The following PRKG1 variants were observed in gnomAD, a reference collection of about 807,000 sequenced individuals.
PRKG1 encodes the protein protein kinase cGMP-dependent 1, also known as cGMP-dependent protein kinase 1.
A neutral mutation model predicts 88.1 loss-of-function variants in PRKG1; 35 were observed. The observed-to-expected ratio is 0.40, with a 90% CI of 0.30 to 0.53. The LOEUF is 0.53. Ranked by LOEUF, PRKG1 falls within the 20% of genes least tolerant of loss-of-function variation. The pLI, the probability that PRKG1 is intolerant of heterozygous loss-of-function variation, is 0.59. For synonymous variants in PRKG1, 303 were observed against 292.5 expected (o/e 1.04, Z -0.37); for missense variants, 540 against 839.8 (o/e 0.64, Z 4.41).
chr10:51,746,017 G>A (rs905812872), intron 3 of PRKG1, among the ~76,000 whole-genome samples: 9 of 152,032 alleles, frequency 5.9e-5, no homozygotes, highest in African/African-American at 2.2e-4. Flanking sequence ...CTAGTTTTTT[G>A]TTTGCTTTTT....
rs180811552 is a variant in PRKG1, at chr10:51,364,312, A to G, written c.479-103411A>G. On this transcript the variant is annotated intron_variant, in intron 2 of 17. Coordinates refer to ENST00000373980, the MANE Select transcript of PRKG1 (RefSeq NM_006258.4). Reference sequence around the variant, plus strand: ...CTTCAGCAGTCAGGCAAATGGGAGGAGCCATTTGATCACTACTTGTCTTTT... The same window carrying G: ...CTTCAGCAGTCAGGCAAATGGGAGGGGCCATTTGATCACTACTTGTCTTTT... 3.4e-3 allele frequency among the ~76,000 whole-genome samples: 524 copies of G among 151,990 alleles called. 7 individuals carry two copies. The highest frequency in any genetic ancestry group is 0.012 in the African/African-American group (515 of 41,502).
At chr10:51,590,221 G>A (rs529092533) in intron 3 of PRKG1, among the ~76,000 whole-genome samples, 1 of 152,290 alleles carries the variant, frequency 6.6e-6, no homozygotes, top group South Asian at 2.1e-4. Flanking sequence ...CCAGATTTTA[G>A]TTGGAAAGCA....
intron 2 of PRKG1, among the ~76,000 whole-genome samples, chr10:51,255,271 A>G (rs1839527453): frequency 6.6e-6 from 1 of 152,100 alleles, no homozygotes; most frequent in Non-Finnish European, 1.5e-5. Flanking sequence ...CTTAATTTCT[A>G]GGTTTAAGCA....
intron 9 of PRKG1, among the ~76,000 whole-genome samples, chr10:52,166,477 A>G (rs1589665454): frequency 7.8e-6 from 1 of 128,216 alleles, no homozygotes; most frequent in African/African-American, 2.9e-5. Flanking sequence ...TCTGTCGCCC[A>G]GGCTGGAGTG....
intron 7 of PRKG1, among the ~76,000 whole-genome samples, chr10:52,131,836 A>AC (rs1837273008): frequency 2.7e-5 from 4 of 149,260 alleles, no homozygotes; most frequent in Non-Finnish European, 3.0e-5. Flanking sequence ...AAAAAAAAAA[A>AC]AAAAAAAAAA....
At chr10:51,086,387 G>T (rs754620759) in intron 1 of PRKG1, among the ~76,000 whole-genome samples, 3 of 152,178 alleles carry the variant, frequency 2.0e-5, no homozygotes, top group Non-Finnish European at 4.4e-5. Flanking sequence ...ACAGCTAAAA[G>T]GGTGTAGCCC....
chr10:51,194,432 C>T (rs7915033), intron 2 of PRKG1, among the ~76,000 whole-genome samples: 8,066 of 151,976 alleles, frequency 0.053, 400 homozygotes, highest in African/African-American at 0.13. Flanking sequence ...TGTTCTGCTA[C>T]CTGTGTCCAT....
chr10:51,278,813 T>A (rs1475842792), intron 2 of PRKG1, among the ~76,000 whole-genome samples: 1 of 152,208 alleles, frequency 6.6e-6, no homozygotes, highest in African/African-American at 2.4e-5. Context: ...CCTTTATCAT[T>A]TTTTATTGCG....
At chr10:51,821,759 T>C (rs16923591) in intron 4 of PRKG1, among the ~76,000 whole-genome samples, 21,364 of 151,976 alleles carry the variant, frequency 0.14, 2,073 homozygotes, top group African/African-American at 0.28. Flanking sequence ...ATAAGATTTA[T>C]GAAAAGATAA....
At chr10:51,695,616 G>T (rs1841268402) in intron 3 of PRKG1, 2 of 152,152 alleles carry the variant, frequency 1.3e-5, no homozygotes, top group Non-Finnish European at 2.9e-5. Context: ...ATCTCAAAAT[G>T]ATCGAGCCAA....
In PRKG1 at chr10:51,319,377, AT is replaced by A. The variant is rs1841399098; in HGVS notation, c.479-148344del. ...CTAGAAGAAAGGAACCAAGAACATAATTCTTTGACCTAGTTAACAATTTTTG... is the reference window on the plus strand; with the variant it reads ...CTAGAAGAAAGGAACCAAGAACATAATCTTTGACCTAGTTAACAATTTTTG... On this transcript the variant is annotated intron_variant, in intron 2 of 17. Transcript: ENST00000373980. Among the ~76,000 whole-genome samples the A allele has an allele frequency of 2.0e-5, 3 of 152,302 alleles. No individual in the cohort carries two copies. In the South Asian group the frequency reaches 6.2e-4, roughly 32 times the overall value.
chr10:52,012,803 G>A (rs1391664189), intron 5 of PRKG1, among the ~76,000 whole-genome samples: 1 of 152,128 alleles, frequency 6.6e-6, no homozygotes, highest in East Asian at 1.9e-4. Flanking sequence ...TATGGATCAA[G>A]TACTGTTCTA....
chr10:51,534,394 C>T (rs949294592), intron 3 of PRKG1, among the ~76,000 whole-genome samples: 3 of 151,880 alleles, frequency 2.0e-5, no homozygotes, highest in Non-Finnish European at 2.9e-5. Context: ...CTGGGCTGGG[C>T]GCGGTGGCTC....
intron 4 of PRKG1, among the ~76,000 whole-genome samples, chr10:51,856,675 C>T (rs1840687082): frequency 6.6e-6 from 1 of 152,046 alleles, no homozygotes; most frequent in African/African-American, 2.4e-5. Flanking sequence ...AAAGAAAAGG[C>T]TTAGACATGG....
intron 3 of PRKG1, among the ~76,000 whole-genome samples, chr10:51,622,665 G>T (rs548722075): frequency 6.6e-6 from 1 of 152,240 alleles, no homozygotes; most frequent in South Asian, 2.1e-4. Context: ...TCAAGTTAAG[G>T]CCTTTTCATT....
chr10:51,882,948 G>A (rs1401465511), intron 4 of PRKG1, among the ~76,000 whole-genome samples: 1 of 152,204 alleles, frequency 6.6e-6, no homozygotes, highest in East Asian at 1.9e-4. Flanking sequence ...GGGATGCCCA[G>A]AAAACTGGTA....
intron 1 of PRKG1, among the ~76,000 whole-genome samples, chr10:51,042,785 C>T (rs1269411177): frequency 6.6e-6 from 1 of 152,160 alleles, no homozygotes; most frequent in Non-Finnish European, 1.5e-5. Context: ...ATGTTAAATC[C>T]TAACTCCCAA....
intron 1 of PRKG1, among the ~76,000 whole-genome samples, chr10:51,145,529 C>T (rs974356926): frequency 3.3e-5 from 5 of 152,070 alleles, no homozygotes; most frequent in Admixed American, 6.5e-5. Flanking sequence ...GTTTTAATTC[C>T]ATGATATGAG....
intron 3 of PRKG1, among the ~76,000 whole-genome samples, chr10:51,599,619 T>C (rs1193640285): frequency 1.3e-5 from 2 of 152,176 alleles, no homozygotes; most frequent in African/African-American, 4.8e-5. Flanking sequence ...TCTGAGAAAA[T>C]GTTTTGTTCT....
Sources: allele counts gnomAD v4.1 joint callset (sites outside exome capture counted in the v4.1 genomes callset), GRCh38; gene constraint gnomAD v4.1.1; transcripts MANE v1.5; gene names NCBI Gene and HGNC (gene_info 2026-07-23, HGNC 2026-07-21).